Variants in ARHGEF7 observed in about 807,000 individuals in gnomAD.
The protein encoded by ARHGEF7 is Rho guanine nucleotide exchange factor 7, also known as PAK-interacting exchange factor beta.
Under a neutral mutation model 109.8 loss-of-function variants are expected in ARHGEF7, and 33 were observed. The observed-to-expected ratio is 0.30, with a 90% CI of 0.23 to 0.40. The LOEUF (loss-of-function observed/expected upper bound fraction) is 0.40, where lower values mean the gene tolerates loss of function less well. Among genes scored for constraint, ARHGEF7 ranks in the 10% least tolerant of loss-of-function variants. ARHGEF7 has a pLI of 1.00. For missense variants in ARHGEF7, 938 were observed against 1,098.5 expected, an observed-to-expected ratio of 0.85 and a Z score of 2.07; for synonymous variants, 458 against 424.6, an observed-to-expected ratio of 1.08 and a Z score of -0.97.
intron 13 of ARHGEF7, among the ~76,000 whole-genome samples, chr13:111,278,409 C>G (rs1014409558): frequency 3.9e-5 from 6 of 152,146 alleles, no homozygotes; most frequent in African/African-American, 1.4e-4. Flanking sequence ...CAGAAGCCGC[C>G]ACTTCGTGTT....
chr13:111,177,542 C>T (rs1480908216), intron 2 of ARHGEF7, among the ~76,000 whole-genome samples: 2 of 152,148 alleles, frequency 1.3e-5, no homozygotes, highest in East Asian at 3.9e-4. Flanking sequence ...TTCTCAGTAT[C>T]CCTGAGCCGT....
intron 2 of ARHGEF7, among the ~76,000 whole-genome samples, chr13:111,195,568 C>T (rs578150445): frequency 1.3e-5 from 2 of 152,306 alleles, no homozygotes; most frequent in South Asian, 2.1e-4. Context: ...TAAATGTACA[C>T]GGGGCTCAGT....
chr13:111,256,807 G>A (rs2090477033), intron 8 of ARHGEF7, among the ~76,000 whole-genome samples: 1 of 152,170 alleles, frequency 6.6e-6, no homozygotes, highest in African/African-American at 2.4e-5. Context: ...CATGGTGTCT[G>A]TGCGCTAACC....
At chr13:111,178,742 C>T (rs2078421469) in intron 2 of ARHGEF7, among the ~76,000 whole-genome samples, 1 of 152,148 alleles carries the variant, frequency 6.6e-6, no homozygotes, top group Non-Finnish European at 1.5e-5. Context: ...CTAACTGTCT[C>T]GTTGTAGAAT....
Position 111,292,160 on chromosome 13 carries a change from A to T in ARHGEF7, c.2177A>T (p.Asp726Val), listed in dbSNP as rs763739169. ...TDLMHNHVLA[D>V]DDQPSLDSLG... The stretch of plus-strand genomic sequence containing the variant: ...CTGATGCATAATCACGTCTTGGCTG[A>T]TGATGACCAACCAAGCCTAGACTCC... Residue 726 changes from aspartate (D) to valine (V), a missense_variant, in exon 19 of 22, where the codon GAT (aspartate) becomes GTT (valine). Asp to Val is a radical substitution (Grantham distance 152). Coordinates refer to ENST00000646102, the MANE Select transcript of ARHGEF7 (RefSeq NM_001354046.2). 1.2e-6 allele frequency: 2 copies of T among 1,613,402 alleles called. No homozygotes were observed. The highest frequency in any genetic ancestry group is 2.7e-5 in the African/African-American group (2 of 74,890).
At chr13:111,153,805 C>T (rs993541400) in intron 1 of ARHGEF7, 100 bp from the exon 2 acceptor site, 5 of 1,429,720 alleles carry the variant, frequency 3.5e-6, no homozygotes, top group Admixed American at 3.2e-5. Flanking sequence ...GCCAGCGTCG[C>T]CCGCTGTGTT....
chr13:111,219,367 C>A (rs548863345), intron 5 of ARHGEF7, among the ~76,000 whole-genome samples: 77 of 152,332 alleles, frequency 5.1e-4, no homozygotes, highest in Non-Finnish European at 9.0e-4. Context: ...AATATTTCAT[C>A]ATATGTATGT....
At chr13:111,246,143 C>G (rs1430494732) in intron 8 of ARHGEF7, among the ~76,000 whole-genome samples, 1 of 152,190 alleles carries the variant, frequency 6.6e-6, no homozygotes, top group African/African-American at 2.4e-5. Context: ...TGTTAATTTC[C>G]TGCCAGGTGA....
In ARHGEF7 at chr13:111,153,898, A is replaced by G. The variant is rs61966721; in HGVS notation, c.166-7A>G. ...ACGGCGCTCAGCGCTTGTGCTCTGT[A>G]TTGCAGGTCTACCCCGAGCCCCGGA... is the stretch of plus-strand genomic sequence containing the variant. On this transcript the variant is annotated splice_polypyrimidine_tract_variant and splice_region_variant and intron_variant, in intron 1 of 21. Coordinates refer to ENST00000646102, the MANE Select transcript of ARHGEF7 (RefSeq NM_001354046.2). 0.39 allele frequency: 621,967 copies of G among 1,599,800 alleles called. 124,099 individuals are homozygous for G. The highest frequency in any genetic ancestry group is 0.66 in the East Asian group (28,100 of 42,686).
At position 111,272,290 on chromosome 13, in the gene ARHGEF7, G is replaced by C. The variant is rs937838967; in HGVS notation, c.1074-1524G>C. Among the ~76,000 whole-genome samples, 2 of 152,204 alleles carry C rather than the reference G, an allele frequency of 1.3e-5. No individual in the cohort carries two copies. The highest frequency in any genetic ancestry group is 1.3e-4 in the Admixed American group (2 of 15,276). ...TTAATGTTCACTATTTGTGGACTCA[G>C]TTTCCTCTGGGTTAGCCAAAACACT... On this transcript the variant is annotated intron_variant, in intron 9 of 21. Transcript: ENST00000646102. The surrounding 1 kb of genome is among the most constrained non-coding windows in gnomAD (Gnocchi z 5.2).
chr13:111,133,789 A>ATG (rs1566606740), intron 1 of ARHGEF7, among the ~76,000 whole-genome samples: 1 of 103,702 alleles, frequency 9.6e-6, no homozygotes, highest in African/African-American at 4.0e-5. Flanking sequence ...ATATATATAT[A>ATG]TATATATATA....
intron 1 of ARHGEF7, among the ~76,000 whole-genome samples, chr13:111,127,461 G>A (rs990090935): frequency 3.3e-5 from 5 of 151,918 alleles, no homozygotes; most frequent in African/African-American, 9.7e-5. Context: ...ACCAGCCTGA[G>A]CAACATAGTG....
At chr13:111,178,956 C>T (rs1419398260) in intron 2 of ARHGEF7, among the ~76,000 whole-genome samples, 1 of 152,108 alleles carries the variant, frequency 6.6e-6, no homozygotes, top group Admixed American at 6.5e-5. Context: ...ACTTAATGTG[C>T]CGTCCCCCCC....
intron 5 of ARHGEF7, among the ~76,000 whole-genome samples, chr13:111,221,537 A>ATATATAGATATATATCTATATATATC (rs2084314546): frequency 1.2e-5 from 1 of 82,392 alleles, no homozygotes; most frequent in Non-Finnish European, 2.4e-5. Context: ...ATATATCTAT[A>ATATATAGATATATATCTATATATATC]TATAGATACA....
At chr13:111,269,073 G>A (rs1013372232) in intron 9 of ARHGEF7, among the ~76,000 whole-genome samples, 3 of 152,194 alleles carry the variant, frequency 2.0e-5, no homozygotes, top group African/African-American at 7.2e-5. Flanking sequence ...CCCTCCCTCT[G>A]CACGTCCCGC....
At chr13:111,236,822 G>A (rs1595045927) in intron 6 of ARHGEF7, among the ~76,000 whole-genome samples, 2 of 152,078 alleles carry the variant, frequency 1.3e-5, no homozygotes, top group East Asian at 3.9e-4. Context: ...AAAATTACCT[G>A]GGCTGGGTGG....
chr13:111,152,656 T>G (rs1418678084), intron 1 of ARHGEF7, among the ~76,000 whole-genome samples: 1 of 152,198 alleles, frequency 6.6e-6, no homozygotes, highest in Non-Finnish European at 1.5e-5. Context: ...TCTCCTACAG[T>G]ACAGAAGGAC....
At chr13:111,116,028 C>G (rs2066742757) in intron 1 of ARHGEF7, among the ~76,000 whole-genome samples, 1 of 152,198 alleles carries the variant, frequency 6.6e-6, no homozygotes, top group Non-Finnish European at 1.5e-5. Flanking sequence ...CGGCCCCGCT[C>G]CCTGGCAGCA....
chr13:111,276,882 AT>A, intron 12 of ARHGEF7, among the ~76,000 whole-genome samples: 1 of 152,238 alleles, frequency 6.6e-6, no homozygotes, highest in East Asian at 1.9e-4. Context: ...GGACTGTGGC[AT>A]TTTTTTGTCT....
Sources: gnomAD v4.1 joint callset for allele counts (sites outside exome capture counted in the v4.1 genomes callset) on GRCh38, gnomAD v4.1.1 for gene constraint, Gnocchi (gnomAD v3.1) non-coding constraint, MANE v1.5 for transcripts, NCBI Gene and HGNC (gene_info 2026-07-23, HGNC 2026-07-21) for gene names.